The following NEDD4L variants were observed in gnomAD, a reference collection of about 807,000 sequenced individuals.
NEDD4L encodes the protein NEDD4 like E3 ubiquitin protein ligase, also known as E3 ubiquitin-protein ligase NEDD4-like.
In NEDD4L, 54 loss-of-function variants were observed where a neutral mutation model predicts 148.9. That is an observed-to-expected ratio of 0.36 (90% CI 0.29 to 0.45). NEDD4L has a LOEUF of 0.45. Among genes scored for constraint, NEDD4L ranks in the 20% least tolerant of loss-of-function variants. The pLI, the probability that NEDD4L is intolerant of heterozygous loss-of-function variation, is 1.00. For synonymous variants in NEDD4L, 433 were observed against 440.7 expected (o/e 0.98, Z 0.22); for missense variants, 856 against 1,233.8 (o/e 0.69, Z 4.59).
At chr18:58,336,540 G>A (rs1280731333) in intron 13 of NEDD4L, among the ~76,000 whole-genome samples, 2 of 151,488 alleles carry the variant, frequency 1.3e-5, no homozygotes, top group South Asian at 4.2e-4. Context: ...TCGCACCACT[G>A]CTCTCCACCC....
At chr18:58,277,600 G>A (rs1044460202) in intron 5 of NEDD4L, among the ~76,000 whole-genome samples, 3 of 152,036 alleles carry the variant, frequency 2.0e-5, no homozygotes, top group African/African-American at 4.8e-5. Context: ...GTGTAAATGG[G>A]GTAATTAAAA....
At chr18:58,230,610 A>G (rs1008876515) in intron 2 of NEDD4L, among the ~76,000 whole-genome samples, 2 of 152,206 alleles carry the variant, frequency 1.3e-5, no homozygotes, top group African/African-American at 2.4e-5. Flanking sequence ...GATTACAGGC[A>G]TGAGCCACTG....
At chr18:58,385,696 A>G in intron 26 of NEDD4L, 110 bp downstream of exon 26, 1 of 879,014 alleles carries the variant, frequency 1.1e-6, no homozygotes. Flanking sequence ...GACAGAGGCG[A>G]GGCTGGGGAC....
Position 58,396,469 on chromosome 18 carries a change from A to G in NEDD4L, c.*200A>G. ...TGAGTTCCTGCCTTTCCCACCACAA[A>G]TTATCAACTGGTTGATGTGTACACT... On this transcript the variant is annotated 3_prime_UTR_variant, in exon 31 of 31. Coordinates refer to ENST00000400345, the MANE Select transcript of NEDD4L (RefSeq NM_001144967.3). 2.0e-6 allele frequency: 1 copy of G among 505,682 alleles called. No individual in the cohort carries two copies. The highest frequency in any genetic ancestry group is 2.2e-5 in the South Asian group (1 of 45,252). 31.3% of individuals were successfully genotyped at this position (505,682 alleles called of 1,614,324 possible). A position where few individuals can be genotyped will look rare whatever the true frequency, so the allele number is the denominator to read the frequency against.
At chr18:58,082,475 T>TA (rs907373510) in intron 1 of NEDD4L, among the ~76,000 whole-genome samples, 10 of 150,860 alleles carry the variant, frequency 6.6e-5, no homozygotes, top group Admixed American at 4.6e-4. Flanking sequence ...TTTCTTTTCT[T>TA]AAAAAAAAGC....
At chr18:58,225,876 A>C (rs62094529) in intron 2 of NEDD4L, among the ~76,000 whole-genome samples, 4,281 of 152,250 alleles carry the variant, frequency 0.028, 97 homozygotes, top group Non-Finnish European at 0.038. Context: ...AGGCCATCAC[A>C]ATTACATGGG....
intron 1 of NEDD4L, among the ~76,000 whole-genome samples, chr18:58,086,123 C>T (rs1427461776): frequency 1.3e-5 from 2 of 152,138 alleles, no homozygotes; most frequent in African/African-American, 4.8e-5. Context: ...TCCTTTAAAA[C>T]ATTTGACTCT....
rs577749543 is a variant in NEDD4L, at chr18:58,241,237, C to G, written c.123-4190C>G. On this transcript the variant is annotated intron_variant, in intron 2 of 30. Transcript: ENST00000400345. ...TTACATAGATGGTAAAACTGAGGCA[C>G]AGAGAGGCTATGTAAGTTTCCCAAA... is the stretch of plus-strand genomic sequence containing the variant. Among the ~76,000 whole-genome samples, 30 of 152,324 alleles carry G rather than the reference C, an allele frequency of 2.0e-4. No homozygotes were observed. In the South Asian group the frequency reaches 2.7e-3, roughly 14 times the overall value.
chr18:58,185,464 G>A (rs892561844), intron 2 of NEDD4L, among the ~76,000 whole-genome samples: 2 of 152,180 alleles, frequency 1.3e-5, no homozygotes, highest in Non-Finnish European at 2.9e-5. Flanking sequence ...TATATAAAGT[G>A]TAAAAACAGA....
rs911665787 is a variant in NEDD4L at position 58,236,095 on chromosome 18, G to A, written c.123-9332G>A. On this transcript the variant is annotated intron_variant, in intron 2 of 30. Transcript: ENST00000400345. ...TCTTTGGCCAAGTGTAGTGGCTCCC[G>A]CCTGTAATCCCAGCAGTTTGGGAGG... 7.2e-5 allele frequency among the ~76,000 whole-genome samples: 11 copies of A among 151,976 alleles called. No homozygotes were observed. The East Asian group carries it at 1.5e-3, about 21-fold the overall frequency.
chr18:58,283,314 G>C (rs1047424157), intron 5 of NEDD4L, among the ~76,000 whole-genome samples: 2 of 152,234 alleles, frequency 1.3e-5, no homozygotes, highest in East Asian at 3.9e-4. Flanking sequence ...GACCTCAGGT[G>C]ATCCACCCGC....
intron 24 of NEDD4L, among the ~76,000 whole-genome samples, chr18:58,379,716 ACAG>A (rs955626559): frequency 4.6e-5 from 7 of 152,316 alleles, no homozygotes; most frequent in Admixed American, 2.6e-4. Flanking sequence ...TCAGCCCCCG[ACAG>A]CCGGTCTCAA....
chr18:58,101,015 A>T (rs1599274411), intron 1 of NEDD4L, among the ~76,000 whole-genome samples: 1 of 152,162 alleles, frequency 6.6e-6, no homozygotes, highest in Non-Finnish European at 1.5e-5. Context: ...TGGCTTGCCC[A>T]GGCTGGTTTC....
intron 1 of NEDD4L, among the ~76,000 whole-genome samples, chr18:58,136,376 G>C (rs1224097101): frequency 5.3e-5 from 8 of 152,218 alleles, no homozygotes; most frequent in African/African-American, 1.9e-4. Flanking sequence ...CTTGGGGACT[G>C]ACACAAACAC....
At chr18:58,057,397 G>C (rs533571896) in intron 1 of NEDD4L, among the ~76,000 whole-genome samples, 1 of 152,146 alleles carries the variant, frequency 6.6e-6, no homozygotes, top group African/African-American at 2.4e-5. Context: ...CTCACAGTGG[G>C]GTAGCTGGCT....
intron 15 of NEDD4L, 112 bp downstream of exon 15, chr18:58,341,909 G>A (rs546531685): frequency 1.3e-5 from 16 of 1,259,720 alleles, no homozygotes; most frequent in Admixed American, 4.0e-5. Flanking sequence ...CTGATCAGTC[G>A]TTGTGTTGGT....
chr18:58,142,624 G>A (rs1453240020), intron 1 of NEDD4L, among the ~76,000 whole-genome samples: 1 of 152,162 alleles, frequency 6.6e-6, no homozygotes, highest in African/African-American at 2.4e-5. Context: ...CTGTTTTGTA[G>A]AAACAACTGT....
chr18:58,160,097 A>G (rs1010853027), intron 1 of NEDD4L, among the ~76,000 whole-genome samples: 9 of 152,268 alleles, frequency 5.9e-5, no homozygotes, highest in Admixed American at 1.3e-4. Flanking sequence ...AAATTCCAGT[A>G]TCTTGAGTTT....
intron 1 of NEDD4L, among the ~76,000 whole-genome samples, chr18:58,076,274 G>A (rs2083152744): frequency 6.6e-6 from 1 of 152,178 alleles, no homozygotes; most frequent in African/African-American, 2.4e-5. Flanking sequence ...ACTAATCTGG[G>A]GAGGCAGAGT....
Sources: gnomAD v4.1 joint callset for allele counts (sites outside exome capture counted in the v4.1 genomes callset) on GRCh38, gnomAD v4.1.1 for gene constraint, MANE v1.5 for transcripts, NCBI Gene and HGNC (gene_info 2026-07-23, HGNC 2026-07-21) for gene names.